The following PHC3 variants were observed in gnomAD, a reference collection of about 807,000 sequenced individuals.
PHC3 encodes polyhomeotic-like protein 3.
Under a neutral mutation model 107.4 loss-of-function variants are expected in PHC3, and 13 were observed. That is an observed-to-expected ratio of 0.12 (90% CI 0.08 to 0.19). The LOEUF (loss-of-function observed/expected upper bound fraction) is 0.19, where lower values mean the gene tolerates loss of function less well. PHC3 is among the 10% of genes least tolerant of loss of function. The pLI, the probability that PHC3 is intolerant of heterozygous loss-of-function variation, is 1.00. For synonymous variants in PHC3, 456 were observed against 427.4 expected (o/e 1.07, Z -0.83); for missense variants, 992 against 1,210.9 (o/e 0.82, Z 2.68).
At position 170,094,964 on chromosome 3, in the gene PHC3, T is replaced by C. The variant is rs1714481526; in HGVS notation, c.*2266A>G. On this transcript the variant is annotated 3_prime_UTR_variant, in exon 15 of 15. Transcript: ENST00000495893. ...TTAAAGGCCATAGGTAATACAGTTA[T>C]AGGATGTAATCATTATTGCTGGAGC... 1.3e-5 allele frequency: 2 copies of C among 152,164 alleles called. No homozygotes were observed. The highest frequency in any genetic ancestry group is 1.5e-5 in the Non-Finnish European group (1 of 68,018). 9.4% of individuals were successfully genotyped at this position (152,164 alleles called of 1,614,324 possible).
At chr3:170,179,197 G>A (rs2108797112) in intron 1 of PHC3, among the ~76,000 whole-genome samples, 1 of 152,236 alleles carries the variant, frequency 6.6e-6, no homozygotes, top group South Asian at 2.1e-4. Flanking sequence ...ATAGCCAAAA[G>A]TTTATCTTTG....
intron 2 of PHC3, 119 bp downstream of exon 2, chr3:170,178,654 G>A: frequency 8.9e-7 from 1 of 1,127,442 alleles, no homozygotes; most frequent in East Asian, 2.4e-5. Context: ...ACAGTTGATT[G>A]AAACATTAGT....
chr3:170,150,097 T>C (rs1269731307), intron 4 of PHC3: 1 of 152,234 alleles, frequency 6.6e-6, no homozygotes, highest in Non-Finnish European at 1.5e-5. Flanking sequence ...GTATAGTTAT[T>C]ATGTGTCAGT....
At chr3:170,135,850 T>C (rs1722985155) in intron 7 of PHC3, among the ~76,000 whole-genome samples, 1 of 152,062 alleles carries the variant, frequency 6.6e-6, no homozygotes, top group African/African-American at 2.4e-5. Context: ...ATGAGAACCA[T>C]GAGGCAAGAT....
chr3:170,155,067 T>C (rs114544939), intron 4 of PHC3, among the ~76,000 whole-genome samples: 41 of 152,326 alleles, frequency 2.7e-4, no homozygotes, highest in Admixed American at 4.6e-4. Flanking sequence ...TACTGCAAGC[T>C]GTCTCCCCAC....
intron 4 of PHC3, among the ~76,000 whole-genome samples, chr3:170,157,570 C>T (rs1184414833): frequency 6.6e-6 from 1 of 152,036 alleles, no homozygotes; most frequent in Non-Finnish European, 1.5e-5. Flanking sequence ...TTTAAAGAAT[C>T]CTTAAAAACA....
intron 12 of PHC3, among the ~76,000 whole-genome samples, chr3:170,105,226 G>C (rs1244020301): frequency 6.6e-6 from 1 of 152,118 alleles, no homozygotes; most frequent in Non-Finnish European, 1.5e-5. Flanking sequence ...AAATCACTTA[G>C]AATCAGATAA....
chr3:170,125,952 C>A, intron 8 of PHC3: 1 of 975,420 alleles, frequency 1.0e-6, no homozygotes, highest in Non-Finnish European at 1.2e-6. Flanking sequence ...ACAAAGACTG[C>A]CAAACTTACC....
chr3:170,141,781 T>C (rs2108541554), intron 6 of PHC3, among the ~76,000 whole-genome samples: 1 of 152,064 alleles, frequency 6.6e-6, no homozygotes, highest in South Asian at 2.1e-4. Context: ...CCTGCAAATT[T>C]TTTGTATAGA....
chr3:170,147,446 C>T (rs924476266), intron 5 of PHC3: 10 of 152,026 alleles, frequency 6.6e-5, no homozygotes, highest in African/African-American at 9.7e-5. Flanking sequence ...AATGATGAGC[C>T]CTCCATACCT....
At chr3:170,107,975 C>T (rs1036611056) in intron 11 of PHC3, among the ~76,000 whole-genome samples, 1 of 152,012 alleles carries the variant, frequency 6.6e-6, no homozygotes, top group African/African-American at 2.4e-5. Flanking sequence ...TATGTGTGCC[C>T]AAAAGGTAGT....
At chr3:170,127,255 C>T (rs1392809315) in intron 8 of PHC3, among the ~76,000 whole-genome samples, 3 of 152,238 alleles carry the variant, frequency 2.0e-5, no homozygotes, top group Non-Finnish European at 4.4e-5. Context: ...CACCCTCCAC[C>T]TCCCAGGTTC....
rs1714805777 is a variant in PHC3 at position 170,097,643 on chromosome 3, A to G, written c.2834-259T>C. ...AAATAATGTTATAGAAATAATTCAT[A>G]AGAGGGAAGTCTAGATATAATACTT... On this transcript the variant is annotated intron_variant, in intron 14 of 14. Transcript: ENST00000495893. The surrounding 1 kb of genome is among the most constrained non-coding windows in gnomAD (Gnocchi z 4.1). 6.6e-6 allele frequency among the ~76,000 whole-genome samples: 1 copy of G among 152,202 alleles called. No homozygotes were observed. The highest frequency in any genetic ancestry group is 6.6e-5 in the Admixed American group (1 of 15,264).
intron 11 of PHC3, among the ~76,000 whole-genome samples, chr3:170,111,560 T>C (rs1048958727): frequency 1.3e-5 from 2 of 152,160 alleles, no homozygotes; most frequent in Non-Finnish European, 2.9e-5. Flanking sequence ...TGGGTGATAA[T>C]GTTGAGTCTG....
intron 2 of PHC3, among the ~76,000 whole-genome samples, chr3:170,173,775 C>A (rs1398377635): frequency 6.6e-6 from 1 of 152,212 alleles, no homozygotes; most frequent in African/African-American, 2.4e-5. Context: ...AAAGAATCCA[C>A]AGGAAAACTT....
rs140243382 is a variant in PHC3 at position 170,149,529 on chromosome 3, A to G, written c.415-285T>C. 8.2e-3 allele frequency among the ~76,000 whole-genome samples: 1,239 copies of G among 151,922 alleles called. 18 individuals are homozygous for G. The highest frequency in any genetic ancestry group is 0.028 in the African/African-American group (1,173 of 41,380). On this transcript the variant is annotated intron_variant, in intron 4 of 14. Coordinates refer to ENST00000495893, the MANE Select transcript of PHC3 (RefSeq NM_024947.4). ...GAGTGCAAGTGCGCGATTTTGGCTCACTGCAACCTCCGCCTCCTGGGTTCA... is the reference window on the plus strand; with the variant it reads ...GAGTGCAAGTGCGCGATTTTGGCTCGCTGCAACCTCCGCCTCCTGGGTTCA...
chr3:170,169,161 T>A (rs1729201059), intron 4 of PHC3, among the ~76,000 whole-genome samples: 1 of 152,148 alleles, frequency 6.6e-6, no homozygotes, highest in Non-Finnish European at 1.5e-5. Context: ...TGACTGGACT[T>A]TGGACTTGAT....
chr3:170,147,983 A>T (rs979044843), intron 5 of PHC3: 1 of 152,182 alleles, frequency 6.6e-6, no homozygotes, highest in African/African-American at 2.4e-5. Flanking sequence ...AGAAAACTGA[A>T]GATCCAAGCC....
intron 14 of PHC3, among the ~76,000 whole-genome samples, chr3:170,098,874 A>G (rs934056235): frequency 6.6e-6 from 1 of 152,212 alleles, no homozygotes; most frequent in Admixed American, 6.5e-5. Flanking sequence ...AAAAGAAACT[A>G]TAGTTGAAAT....
Sources: allele counts gnomAD v4.1 joint callset (sites outside exome capture counted in the v4.1 genomes callset), GRCh38; gene constraint gnomAD v4.1.1; non-coding constraint Gnocchi (gnomAD v3.1); transcripts MANE v1.5; gene names NCBI Gene and HGNC (gene_info 2026-07-23, HGNC 2026-07-21).